The following AEN variants were observed in gnomAD, a reference collection of about 807,000 sequenced individuals.
The protein encoded by AEN is apoptosis enhancing nuclease.
AEN carries 21 observed loss-of-function variants against 17.7 expected under a neutral mutation model. That is an observed-to-expected ratio of 1.19 (90% CI 0.84 to 1.71). AEN has a LOEUF of 1.71. AEN is among the 40% of genes most tolerant of loss of function. AEN has a pLI of 0.00. For missense variants in AEN, 462 were observed against 435.9 expected, an observed-to-expected ratio of 1.06 and a Z score of -0.53; for synonymous variants, 190 against 173.0, an observed-to-expected ratio of 1.10 and a Z score of -0.77.
intron 1 of AEN, among the ~76,000 whole-genome samples, chr15:88,623,163 G>A (rs139140493): frequency 1.4e-4 from 22 of 152,274 alleles, no homozygotes; most frequent in African/African-American, 4.8e-4. Flanking sequence ...GCAGATTAAG[G>A]TTCTGAATTT....
Position 88,631,214 on chromosome 15 carries a change from G to A in AEN, c.*920G>A, listed in dbSNP as rs1231669849. 1 of 455,728 alleles carries A rather than the reference G, an allele frequency of 2.2e-6. No homozygotes were observed. The highest frequency in any genetic ancestry group is 2.4e-5 in the Admixed American group (1 of 42,542). The allele number at this position is 455,728 out of a possible 1,614,324, so 28.2% of individuals were successfully genotyped here. A position where few individuals can be genotyped will look rare whatever the true frequency, so the allele number is the denominator to read the frequency against. On this transcript the variant is annotated 3_prime_UTR_variant, in exon 4 of 4. Transcript: ENST00000332810. ...CCTTTATTTATTTATTAACAGCAGG[G>A]CCACTCGTCTAGGGCAGTGGAGTCT...
the AEN span, among the ~76,000 whole-genome samples, chr15:88,607,440 C>T: frequency 6.6e-6 from 1 of 152,198 alleles, no homozygotes; most frequent in Admixed American, 6.5e-5. Context: ...GTAACATTCT[C>T]AGAATGATTT....
chr15:88,626,551 CTG>C lies in AEN; in HGVS notation c.345_346del (p.Cys115Ter), dbSNP rs750494517. On this transcript the variant is annotated frameshift_variant, in exon 2 of 4. Coordinates refer to ENST00000332810, the MANE Select transcript of AEN (RefSeq NM_022767.4). LOFTEE classifies it high-confidence loss of function. Reference sequence around the variant, plus strand: ...TGCCCAGCAAGTGTGTGGCTATCGACTGTGAGATGGTGGGCACGGGACCCCGA... The same window carrying C: ...TGCCCAGCAAGTGTGTGGCTATCGACTGAGATGGTGGGCACGGGACCCCGA... ...PLPSKCVAID[C>X]EMVGTGPRGR... 2.5e-6 allele frequency: 4 copies of C among 1,614,164 alleles called. No individual in the cohort carries two copies. The highest frequency in any genetic ancestry group is 2.2e-5 in the East Asian group (1 of 44,892).
chr15:88,622,473 C>T (rs1019746912), intron 1 of AEN, among the ~76,000 whole-genome samples: 1 of 152,186 alleles, frequency 6.6e-6, no homozygotes, highest in Non-Finnish European at 1.5e-5. Flanking sequence ...GGCAGACTAG[C>T]ATCTCAAAAT....
chr15:88,614,149 TGA>T, the AEN span, among the ~76,000 whole-genome samples: 1 of 152,230 alleles, frequency 6.6e-6, no homozygotes, highest in Non-Finnish European at 1.5e-5. Context: ...GCAGAGGTTG[TGA>T]CTTATCTCTT....
rs1232959571 is a variant in AEN at position 88,626,663 on chromosome 15, C to T, written c.454C>T (p.Pro152Ser). The T allele has an allele frequency of 1.9e-6, 3 of 1,613,798 alleles. No individual in the cohort carries two copies. Among genetic ancestry groups the T allele is most frequent in the Non-Finnish European group, 1.7e-6 (2 of 1,179,936 alleles). Residue 152 changes from proline to serine, a missense_variant, in exon 2 of 4, where the codon CCC becomes TCC. Physicochemically the swap from Pro to Ser is moderately conservative, Grantham distance 74 (BLOSUM62 -1). Transcript: ENST00000332810. The part of the protein sequence containing the change: ...LYDKYIRPEM[P>S]IADYRTRWSG... ...TGACAAGTACATCAGGCCTGAGATG[C>T]CCATCGCTGACTACCGTACCCGCTG...
chr15:88,622,787 C>T (rs1489251796), intron 1 of AEN, among the ~76,000 whole-genome samples: 2 of 152,134 alleles, frequency 1.3e-5, no homozygotes, highest in Non-Finnish European at 2.9e-5. Flanking sequence ...TGCGTGGCGC[C>T]GGGCTGCCTG....
chr15:88,607,371 T>A, the AEN span, among the ~76,000 whole-genome samples: 42 of 152,382 alleles, frequency 2.8e-4, 1 homozygote, highest in South Asian at 7.9e-3. Flanking sequence ...GCCCTGCCTA[T>A]GTCCATTAGA....
At position 88,630,988 on chromosome 15, in the gene AEN, T is replaced by C; in HGVS notation, c.*694T>C. 1 of 391,700 alleles carries C rather than the reference T, an allele frequency of 2.6e-6. No individual in the cohort carries two copies. Among genetic ancestry groups the C allele is most frequent in the Non-Finnish European group, 5.3e-6 (1 of 188,092 alleles). The allele number at this position is 391,700 out of a possible 1,614,324, so 24.3% of individuals were successfully genotyped here. A position where few individuals can be genotyped will look rare whatever the true frequency, so the allele number is the denominator to read the frequency against. Reference sequence around the variant, plus strand: ...GGCTTCTCGTGGGGAGTTGGCTCCTTAACATTTCTTGGCAACAGAAAGCCC... The same window carrying C: ...GGCTTCTCGTGGGGAGTTGGCTCCTCAACATTTCTTGGCAACAGAAAGCCC... On this transcript the variant is annotated 3_prime_UTR_variant, in exon 4 of 4. Transcript: ENST00000332810. This position sits in a 1 kb window ranked among gnomAD's most constrained non-coding sequence, Gnocchi z 5.1.
At chr15:88,610,610 A>AT in the AEN span, among the ~76,000 whole-genome samples, 1 of 152,030 alleles carries the variant, frequency 6.6e-6, no homozygotes, top group African/African-American at 2.4e-5. Flanking sequence ...AGTCTTCTCC[A>AT]TGACTCCCCC....
chr15:88,607,944 A>G, the AEN span, among the ~76,000 whole-genome samples: 13 of 152,278 alleles, frequency 8.5e-5, no homozygotes, highest in African/African-American at 2.9e-4. Context: ...TTCTTCCCAA[A>G]GAAGTGCTTT....
At chr15:88,626,826 T>G (rs59132084) in intron 2 of AEN, 77 bp downstream of exon 2, 25 of 1,495,814 alleles carry the variant, frequency 1.7e-5, no homozygotes, top group Non-Finnish European at 2.2e-5. Context: ...ATCACCACTT[T>G]GCTTCACTGG....
In AEN at chr15:88,626,220, G is replaced by C; in HGVS notation, c.11G>C (p.Arg4Pro). 6.3e-7 allele frequency: 1 copy of C among 1,587,026 alleles called. No homozygotes were observed. The highest frequency in any genetic ancestry group is 1.1e-5 in the South Asian group (1 of 88,414). ...AGTGAGCTGACTGGAATGGTACCCCGGGAGGCCCCTGAGTCTGCTCAGTGC... is the reference window on the plus strand; with the variant it reads ...AGTGAGCTGACTGGAATGGTACCCCCGGAGGCCCCTGAGTCTGCTCAGTGC... MVP[R>P]EAPESAQCLC... The change falls in exon 2 of 4, where the codon CGG becomes CCG. Residue 4 changes from arginine (R) to proline (P), a missense_variant. Physicochemically the swap from Arg to Pro is moderately radical, Grantham distance 103 (BLOSUM62 -2). Transcript: ENST00000332810.
At position 88,626,743 on chromosome 15, in the gene AEN, G is replaced by T. The variant is rs2057860342; in HGVS notation, c.534G>T (p.Gln178His). The T allele has an allele frequency of 6.2e-7, 1 of 1,607,798 alleles. No individual in the cohort carries two copies. The highest frequency in any genetic ancestry group is 1.1e-5 in the South Asian group (1 of 91,040). The change falls in exon 2 of 4, where the codon CAG (glutamine) becomes CAT (histidine). Residue 178 changes from glutamine (Q) to histidine (H), a missense_variant. Transcript: ENST00000332810. Reference protein sequence around the residue: ...MRKAVPFQVAQKEILKLLKGK... With the variant: ...MRKAVPFQVAHKEILKLLKGK... ...AGGCTGTCCCCTTCCAGGTGGCCCA[G>T]AAAGAGGTAAGGGCAGGGATGGGGA...
upstream of AEN, among the ~76,000 whole-genome samples, chr15:88,618,089 G>A (rs12437773): frequency 0.78 from 118,161 of 151,994 alleles, 48,923 homozygotes; most frequent in Non-Finnish European, 0.92. Flanking sequence ...ATCCCTTTTT[G>A]CCTACCCCTT....
intron 1 of AEN, among the ~76,000 whole-genome samples, chr15:88,622,769 G>T (rs2057803914): frequency 6.6e-6 from 1 of 152,148 alleles, no homozygotes; most frequent in African/African-American, 2.4e-5. Flanking sequence ...GTCTGGTTTT[G>T]GGTCTGGTGC....
At chr15:88,624,883 C>CAAAAAAAAAAAAA (rs10701067) in intron 1 of AEN, among the ~76,000 whole-genome samples, 8,706 of 147,862 alleles carry the variant, frequency 0.059, 286 homozygotes, top group Middle Eastern at 0.071. Flanking sequence ...AACTCCGCCT[C>CAAAAAAAAAAAAA]AAAAAATGCC....
chr15:88,624,788 C>T (rs2057830376), intron 1 of AEN, among the ~76,000 whole-genome samples: 1 of 151,644 alleles, frequency 6.6e-6, no homozygotes, highest in South Asian at 2.1e-4. Flanking sequence ...GAGGCTGAGG[C>T]AGGAGAATCG....
chr15:88,611,058 C>T, the AEN span, among the ~76,000 whole-genome samples: 7 of 152,166 alleles, frequency 4.6e-5, no homozygotes, highest in Non-Finnish European at 1.0e-4. Flanking sequence ...CTCTGCTTAC[C>T]CCAGCACCAC....
Sources: allele counts gnomAD v4.1 joint callset (sites outside exome capture counted in the v4.1 genomes callset), GRCh38; gene constraint gnomAD v4.1.1; non-coding constraint Gnocchi (gnomAD v3.1); transcripts MANE v1.5; gene names NCBI Gene and HGNC (gene_info 2026-07-23, HGNC 2026-07-21).